LDB2: variants seen among roughly 807,000 people sequenced by gnomAD.
LDB2 encodes LIM domain binding 2, also known as LIM domain-binding protein 2.
A neutral mutation model predicts 44.3 loss-of-function variants in LDB2; 12 were observed. The observed-to-expected ratio is 0.27, with a 90% CI of 0.17 to 0.44. LDB2 has a LOEUF of 0.44. Among genes scored for constraint, LDB2 ranks in the 20% least tolerant of loss-of-function variants. The pLI is 1.00. For synonymous variants in LDB2, 164 were observed against 174.8 expected, an observed-to-expected ratio of 0.94 and a Z score of 0.49; for missense variants, 344 against 473.5, an observed-to-expected ratio of 0.73 and a Z score of 2.54.
intron 1 of LDB2, among the ~76,000 whole-genome samples, chr4:16,839,480 C>T (rs1000940445): frequency 5.9e-5 from 9 of 152,218 alleles, no homozygotes; most frequent in Admixed American, 5.2e-4. Flanking sequence ...TAGGCCTCAC[C>T]TCCAACACTG....
chr4:16,762,375 G>C (rs1012207776), intron 1 of LDB2, among the ~76,000 whole-genome samples: 30 of 152,150 alleles, frequency 2.0e-4, no homozygotes, highest in African/African-American at 6.3e-4. Context: ...CCAGTGACGG[G>C]ATCCCCTCTG....
At chr4:16,555,991 C>G (rs1739433065) in intron 5 of LDB2, among the ~76,000 whole-genome samples, 1 of 152,100 alleles carries the variant, frequency 6.6e-6, no homozygotes, top group African/African-American at 2.4e-5. Flanking sequence ...GATTGATCCT[C>G]TAGCATGGCA....
chr4:16,687,445 C>A (rs756617336), intron 2 of LDB2, among the ~76,000 whole-genome samples: 9 of 152,202 alleles, frequency 5.9e-5, no homozygotes, highest in Non-Finnish European at 1.3e-4. Flanking sequence ...CTTCTGGCAC[C>A]TTGATCTTGG....
chr4:16,883,788 G>T (rs930246295), intron 1 of LDB2, among the ~76,000 whole-genome samples: 1 of 152,118 alleles, frequency 6.6e-6, no homozygotes, highest in Admixed American at 6.5e-5. Context: ...GAAAACTCAA[G>T]ACTAGAGGCC....
At chr4:16,732,264 T>C (rs1760910725) in intron 2 of LDB2, among the ~76,000 whole-genome samples, 1 of 152,172 alleles carries the variant, frequency 6.6e-6, no homozygotes, top group African/African-American at 2.4e-5. Flanking sequence ...CAAATACAAT[T>C]ATTAGTTATG....
At chr4:16,513,030 G>A (rs534306430) in intron 5 of LDB2, among the ~76,000 whole-genome samples, 33 of 152,116 alleles carry the variant, frequency 2.2e-4, no homozygotes, top group Middle Eastern at 3.4e-3. Flanking sequence ...TATAAATATC[G>A]GCCATGCACC....
intron 2 of LDB2, among the ~76,000 whole-genome samples, chr4:16,665,675 G>A (rs1471694841): frequency 6.6e-6 from 1 of 152,032 alleles, no homozygotes; most frequent in African/African-American, 2.4e-5. Flanking sequence ...CCAGGACAGG[G>A]GGAAGAAAAA....
At position 16,882,028 on chromosome 4, in the gene LDB2, G is replaced by A. The variant is rs527544023; in HGVS notation, c.132+16326C>T. Among the ~76,000 whole-genome samples the A allele has an allele frequency of 1.7e-4, 26 of 152,334 alleles. No individual in the cohort carries two copies. In the South Asian group the frequency reaches 5.0e-3, roughly 29 times the overall value. Reference sequence around the variant, plus strand: ...ATAGCACAAGCAATTTAGGGTGTGAGTGTACATGTCTGTGCATGTGTATGC... The same window carrying A: ...ATAGCACAAGCAATTTAGGGTGTGAATGTACATGTCTGTGCATGTGTATGC... On this transcript the variant is annotated intron_variant, in intron 1 of 7. Coordinates refer to ENST00000304523, the MANE Select transcript of LDB2 (RefSeq NM_001290.5).
intron 5 of LDB2, among the ~76,000 whole-genome samples, chr4:16,541,861 G>A (rs1733885778): frequency 6.6e-6 from 1 of 152,088 alleles, no homozygotes; most frequent in Admixed American, 6.6e-5. Flanking sequence ...CTGCTCTGGG[G>A]AATGTGTGGG....
At chr4:16,842,555 T>C (rs757625539) in intron 1 of LDB2, among the ~76,000 whole-genome samples, 31 of 152,236 alleles carry the variant, frequency 2.0e-4, no homozygotes, top group Non-Finnish European at 4.1e-4. Flanking sequence ...ACTCAGATAT[T>C]TTGAATACAC....
chr4:16,660,100 C>A (rs1445957880), intron 2 of LDB2, among the ~76,000 whole-genome samples: 2 of 152,092 alleles, frequency 1.3e-5, no homozygotes, highest in Non-Finnish European at 1.5e-5. Flanking sequence ...ATGTATACCA[C>A]AACACACAGA....
chr4:16,660,986 A>T (rs1322940841), intron 2 of LDB2, among the ~76,000 whole-genome samples: 1 of 152,230 alleles, frequency 6.6e-6, no homozygotes, highest in Non-Finnish European at 1.5e-5. Context: ...AAACTACCAA[A>T]GATTTAAATT....
intron 1 of LDB2, among the ~76,000 whole-genome samples, chr4:16,785,082 AG>A (rs1234280516): frequency 6.6e-6 from 1 of 152,134 alleles, no homozygotes; most frequent in Non-Finnish European, 1.5e-5. Context: ...TTATTTATAT[AG>A]GTATGTGTGT....
At chr4:16,695,346 C>A (rs944918134) in intron 2 of LDB2, among the ~76,000 whole-genome samples, 2 of 151,734 alleles carry the variant, frequency 1.3e-5, no homozygotes, top group Non-Finnish European at 2.9e-5. Context: ...GCCTGGCCAA[C>A]ATGGTGAAAC....
At position 16,775,852 on chromosome 4, in the gene LDB2, T is replaced by C. The variant is rs530426429; in HGVS notation, c.133-16592A>G. Among the ~76,000 whole-genome samples the C allele has an allele frequency of 1.4e-4, 22 of 151,730 alleles. No homozygotes were observed. The Middle Eastern group carries it at 0.014, about 94-fold the overall frequency. ...AAGAGCAAGGACCTATCAGAGTGAG[T>C]TTTTCAAGCAGACTGACTGAAGCGA... On this transcript the variant is annotated intron_variant, in intron 1 of 7. Transcript: ENST00000304523.
At chr4:16,817,080 T>C (rs926890006) in intron 1 of LDB2, among the ~76,000 whole-genome samples, 4 of 152,172 alleles carry the variant, frequency 2.6e-5, no homozygotes, top group African/African-American at 9.7e-5. Context: ...TTGCTAGAAG[T>C]TGCCATTTTT....
intron 1 of LDB2, among the ~76,000 whole-genome samples, chr4:16,763,704 A>G (rs1228404652): frequency 6.6e-6 from 1 of 152,192 alleles, no homozygotes; most frequent in Non-Finnish European, 1.5e-5. Context: ...GTATTGAACC[A>G]TTTTATATTC....
intron 2 of LDB2, among the ~76,000 whole-genome samples, chr4:16,751,706 G>T (rs1204768118): frequency 6.6e-6 from 1 of 152,164 alleles, no homozygotes; most frequent in Non-Finnish European, 1.5e-5. Flanking sequence ...AATTTGTGAT[G>T]AACTGTCTTT....
At chr4:16,621,432 T>A (rs76004916) in intron 2 of LDB2, among the ~76,000 whole-genome samples, 3,940 of 152,270 alleles carry the variant, frequency 0.026, 61 homozygotes, top group East Asian at 0.057. Flanking sequence ...ATAGAAGATG[T>A]GTGTCGAGAA....
Sources: allele counts gnomAD v4.1 joint callset (sites outside exome capture counted in the v4.1 genomes callset), GRCh38; gene constraint gnomAD v4.1.1; transcripts MANE v1.5; gene names NCBI Gene and HGNC (gene_info 2026-07-23, HGNC 2026-07-21).